Variants in UNC5A observed in about 807,000 individuals in gnomAD.
UNC5A encodes the protein netrin receptor UNC5A.
In UNC5A, 20 loss-of-function variants were observed where a neutral mutation model predicts 87.4. That is an observed-to-expected ratio of 0.23 (90% CI 0.16 to 0.33). The LOEUF (loss-of-function observed/expected upper bound fraction) is 0.33, where lower values mean the gene tolerates loss of function less well. UNC5A is among the 10% of genes least tolerant of loss of function. UNC5A has a pLI of 1.00. For synonymous variants in UNC5A, 438 were observed against 482.3 expected (o/e 0.91, Z 1.20); for missense variants, 844 against 1,133.4 (o/e 0.74, Z 3.67).
intron 1 of UNC5A, among the ~76,000 whole-genome samples, chr5:176,828,778 T>C (rs909602456): frequency 2.0e-5 from 3 of 152,106 alleles, no homozygotes; most frequent in Admixed American, 1.3e-4. Context: ...CATGGATGGA[T>C]GGATGGGTGA....
At chr5:176,862,904 C>T in intron 2 of UNC5A, 59 bp downstream of exon 2, 2 of 1,587,256 alleles carry the variant, frequency 1.3e-6, no homozygotes, top group South Asian at 1.1e-5. Context: ...TCGGCCCCCC[C>T]AGAGGAGCCT....
Position 176,844,817 on chromosome 5 carries a change from C to T in UNC5A, c.71-17807C>T, listed in dbSNP as rs7700928. On this transcript the variant is annotated intron_variant, in intron 1 of 14. Transcript: ENST00000329542. The surrounding 1 kb of genome is among the most constrained non-coding windows in gnomAD (Gnocchi z 4.2). ...GACCCCTCTCCACCCTCCAGCACTG[C>T]TTGCAGTGGATCGTGGAAGTCGGTC... Among the ~76,000 whole-genome samples the T allele has an allele frequency of 0.058, 8,834 of 152,176 alleles. 820 individuals carry two copies. The highest frequency in any genetic ancestry group is 0.2 in the African/African-American group (8,252 of 41,448).
chr5:176,835,266 T>C (rs909546643), intron 1 of UNC5A, among the ~76,000 whole-genome samples: 1 of 152,220 alleles, frequency 6.6e-6, no homozygotes, highest in Non-Finnish European at 1.5e-5. Flanking sequence ...AAGGTGACCT[T>C]CCTGCAGGCT....
intron 1 of UNC5A, among the ~76,000 whole-genome samples, chr5:176,828,831 G>T (rs1756916673): frequency 6.6e-6 from 1 of 151,854 alleles, no homozygotes; most frequent in African/African-American, 2.4e-5. Context: ...ATGGGTGGAG[G>T]TATGAAAGAT....
At chr5:176,826,891 G>A (rs377593961) in intron 1 of UNC5A, among the ~76,000 whole-genome samples, 37 of 151,944 alleles carry the variant, frequency 2.4e-4, no homozygotes, top group African/African-American at 8.9e-4. Context: ...TGCCCGTCTC[G>A]GCCTCCCAAA....
In UNC5A at chr5:176,880,134, G is replaced by T; in HGVS notation, c.*248G>T. 1 of 518,300 alleles carries T rather than the reference G, an allele frequency of 1.9e-6. No homozygotes were observed. Among genetic ancestry groups the T allele is most frequent in the South Asian group, 2.3e-5 (1 of 44,114 alleles). 32.1% of individuals were successfully genotyped at this position (518,300 alleles called of 1,614,324 possible). A position where few individuals can be genotyped will look rare whatever the true frequency, so the allele number is the denominator to read the frequency against. Reference sequence around the variant, plus strand: ...GGGCCCAGGAGGGACAGTGCCTGGAGCCTGGGCCAGGCCCAGCCCATCTGT... The same window carrying T: ...GGGCCCAGGAGGGACAGTGCCTGGATCCTGGGCCAGGCCCAGCCCATCTGT... On this transcript the variant is annotated 3_prime_UTR_variant, in exon 15 of 15. Transcript: ENST00000329542.
intron 1 of UNC5A, among the ~76,000 whole-genome samples, chr5:176,845,920 G>C (rs1194368264): frequency 6.6e-6 from 1 of 152,220 alleles, no homozygotes; most frequent in African/African-American, 2.4e-5. Flanking sequence ...ACTGAGCAGA[G>C]CACCGGGAGA....
At chr5:176,831,516 G>T (rs1175976275) in intron 1 of UNC5A, among the ~76,000 whole-genome samples, 1 of 152,236 alleles carries the variant, frequency 6.6e-6, no homozygotes, top group African/African-American at 2.4e-5. Flanking sequence ...CAAGCCTTGG[G>T]CTGGCCCCTC....
chr5:176,814,854 G>C (rs115748615), intron 1 of UNC5A, among the ~76,000 whole-genome samples: 1 of 152,206 alleles, frequency 6.6e-6, no homozygotes, highest in East Asian at 1.9e-4. Flanking sequence ...AGGGAGGGCT[G>C]CTATTGCTGG....
intron 1 of UNC5A, among the ~76,000 whole-genome samples, chr5:176,839,050 G>A (rs1038303022): frequency 2.0e-5 from 3 of 152,160 alleles, no homozygotes; most frequent in African/African-American, 7.2e-5. Context: ...GTGTTCTCCT[G>A]CCTCTGTGCG....
intron 1 of UNC5A, among the ~76,000 whole-genome samples, chr5:176,829,366 T>C (rs1471123482): frequency 7.5e-6 from 1 of 133,576 alleles, no homozygotes; most frequent in Non-Finnish European, 1.5e-5. Flanking sequence ...GATGGATGGA[T>C]GGATAAAGTG....
At chr5:176,839,162 T>C (rs1757210231) in intron 1 of UNC5A, among the ~76,000 whole-genome samples, 1 of 152,176 alleles carries the variant, frequency 6.6e-6, no homozygotes, top group African/African-American at 2.4e-5. Context: ...ACTGCCTCCC[T>C]TACCCCACTC....
At chr5:176,843,345 G>A (rs1048406412) in intron 1 of UNC5A, among the ~76,000 whole-genome samples, 18 of 152,236 alleles carry the variant, frequency 1.2e-4, no homozygotes, top group African/African-American at 3.9e-4. Context: ...ACTGTGTACC[G>A]CTAAAGAAGC....
chr5:176,852,374 G>GCACACA (rs150098498), intron 1 of UNC5A, among the ~76,000 whole-genome samples: 1 of 150,486 alleles, frequency 6.6e-6, no homozygotes, highest in African/African-American at 2.4e-5. Flanking sequence ...ACACACAGAA[G>GCACACA]CACACACACA....
Position 176,868,972 on chromosome 5 carries a change from C to G in UNC5A, c.721+8C>G, listed in dbSNP as rs745665514. 84 of 1,590,364 alleles carry G rather than the reference C, an allele frequency of 5.3e-5. No homozygotes were observed. Among genetic ancestry groups the G allele is most frequent in the Non-Finnish European group, 7.0e-5 (82 of 1,166,306 alleles). On this transcript the variant is annotated splice_region_variant and intron_variant, in intron 5 of 14. Transcript: ENST00000329542. Reference sequence around the variant, plus strand: ...CTGCTGTCATCGTCTACGGTGGGCCCCGGGACTCCCTGGTCACAGGGAGAG... The same window carrying G: ...CTGCTGTCATCGTCTACGGTGGGCCGCGGGACTCCCTGGTCACAGGGAGAG...
intron 3 of UNC5A, 36 bp downstream of exon 3, chr5:176,868,309 G>T (rs750449170): frequency 6.2e-7 from 1 of 1,609,826 alleles, no homozygotes. Flanking sequence ...GAGGGCGCAC[G>T]GCGGGAGGGT....
chr5:176,877,710 A>G lies in UNC5A; in HGVS notation c.1635+7A>G. 2 of 1,592,468 alleles carry G rather than the reference A, an allele frequency of 1.3e-6. No homozygotes were observed. Among genetic ancestry groups the G allele is most frequent in the African/African-American group, 2.7e-5 (2 of 74,616 alleles). ...GTGCGAGGGCAGCTGGGAGGTGAGC[A>G]GGGAACTGACCCGGGCTCCAGAAGG... On this transcript the variant is annotated splice_region_variant and intron_variant, in intron 10 of 14. Coordinates refer to ENST00000329542, the MANE Select transcript of UNC5A (RefSeq NM_133369.3).
rs537613239 is a variant in UNC5A, at chr5:176,870,314, C to A, written c.722-56C>A. 27 of 1,579,606 alleles carry A rather than the reference C, an allele frequency of 1.7e-5. No individual in the cohort carries two copies. The East Asian group carries it at 4.3e-4, about 25-fold the overall frequency. On this transcript the variant is annotated intron_variant, in intron 5 of 14. Coordinates refer to ENST00000329542, the MANE Select transcript of UNC5A (RefSeq NM_133369.3). ...CAGAGGGGCCACACTGGCAGACTGC[C>A]GGGGTGGGCTCCCAGGCTGACCGCA...
At chr5:176,826,365 G>C (rs1003572248) in intron 1 of UNC5A, among the ~76,000 whole-genome samples, 2 of 152,226 alleles carry the variant, frequency 1.3e-5, no homozygotes, top group African/African-American at 4.8e-5. Flanking sequence ...GGAGGGCGCA[G>C]GGAGCAGGCC....
Sources: gnomAD v4.1 joint callset for allele counts (sites outside exome capture counted in the v4.1 genomes callset) on GRCh38, gnomAD v4.1.1 for gene constraint, Gnocchi (gnomAD v3.1) non-coding constraint, MANE v1.5 for transcripts, NCBI Gene and HGNC (gene_info 2026-07-23, HGNC 2026-07-21) for gene names.